MS4A3: variants seen among roughly 807,000 people sequenced by gnomAD.
MS4A3 encodes membrane-spanning 4-domains subfamily A member 3.
MS4A3 carries 18 observed loss-of-function variants against 24.7 expected under a neutral mutation model. That is an observed-to-expected ratio of 0.73 (90% CI 0.50 to 1.08). The LOEUF is 1.08. Among genes scored for constraint, MS4A3 ranks in the 50% least tolerant of loss-of-function variants. The probability of loss-of-function intolerance (pLI) is 0.00; values close to 1 mark genes in which losing one functional copy is unlikely to be tolerated. For missense variants in MS4A3, 282 were observed against 251.7 expected, an observed-to-expected ratio of 1.12 and a Z score of -0.82; for synonymous variants, 84 against 95.3, an observed-to-expected ratio of 0.88 and a Z score of 0.69.
chr11:60,068,881 G>T (rs141772354), intron 5 of MS4A3, among the ~76,000 whole-genome samples: 138 of 152,028 alleles, frequency 9.1e-4, no homozygotes, highest in African/African-American at 3.2e-3. Context: ...AGGCCCTGGT[G>T]TGTGATGTTC....
chr11:60,060,090 G>C (rs574814929), intron 1 of MS4A3, among the ~76,000 whole-genome samples: 35 of 152,224 alleles, frequency 2.3e-4, no homozygotes, highest in South Asian at 6.2e-4. Flanking sequence ...GTGTACTTTA[G>C]TGATACATAT....
At position 60,070,637 on chromosome 11, in the gene MS4A3, T is replaced by G. The variant is rs1179763366; in HGVS notation, c.*404T>G. ...TAAAATCCAACTTCTGACCGCCCAG[T>G]AGGAAGAAAAATGAGACATTTTTTC... On this transcript the variant is annotated 3_prime_UTR_variant, in exon 7 of 7. Coordinates refer to ENST00000278865, the MANE Select transcript of MS4A3 (RefSeq NM_006138.5). 6.4e-6 allele frequency: 1 copy of G among 157,210 alleles called. No individual in the cohort carries two copies. The allele number at this position is 157,210 out of a possible 1,614,324, so 9.7% of individuals were successfully genotyped here.
intron 1 of MS4A3, among the ~76,000 whole-genome samples, chr11:60,056,987 G>T (rs191040335): frequency 6.6e-6 from 1 of 152,252 alleles, no homozygotes; most frequent in Non-Finnish European, 1.5e-5. Flanking sequence ...ACACACACAT[G>T]CACACGCACC....
intron 5 of MS4A3, 29 bp downstream of exon 5, chr11:60,067,141 T>C: frequency 6.5e-7 from 1 of 1,534,598 alleles, no homozygotes; most frequent in African/African-American, 1.4e-5. Context: ...TGTATAAGTA[T>C]AAAATATTTC....
At chr11:60,058,553 A>C (rs963548634) in intron 1 of MS4A3, among the ~76,000 whole-genome samples, 2 of 136,410 alleles carry the variant, frequency 1.5e-5, no homozygotes, top group African/African-American at 5.3e-5. Context: ...TTCAGTCTGG[A>C]AGGAGAGCAG....
At chr11:60,059,509 C>T (rs1294973443) in intron 1 of MS4A3, among the ~76,000 whole-genome samples, 1 of 152,026 alleles carries the variant, frequency 6.6e-6, no homozygotes, top group Non-Finnish European at 1.5e-5. Flanking sequence ...AAGCCTAGTA[C>T]TCAATAGTTA....
At position 60,061,330 on chromosome 11, in the gene MS4A3, AG is replaced by A; in HGVS notation, c.156+15del. ...CAAGTTCTTGGGGTAAGTCAGCCTTAGTTTAAACACTGATTTAAGAGGGAAG... is the reference window on the plus strand; with the variant it reads ...CAAGTTCTTGGGGTAAGTCAGCCTTATTTAAACACTGATTTAAGAGGGAAG... On this transcript the variant is annotated intron_variant, in intron 2 of 6. Coordinates refer to ENST00000278865, the MANE Select transcript of MS4A3 (RefSeq NM_006138.5). 6.2e-7 allele frequency: 1 copy of A among 1,600,566 alleles called. No individual in the cohort carries two copies. Among genetic ancestry groups the A allele is most frequent in the Non-Finnish European group, 8.5e-7 (1 of 1,175,180 alleles).
chr11:60,058,984 G>C (rs968570083), intron 1 of MS4A3, among the ~76,000 whole-genome samples: 6 of 151,940 alleles, frequency 3.9e-5, no homozygotes, highest in African/African-American at 1.5e-4. Context: ...GGGGGTTAAG[G>C]GTTCCTTGTC....
intron 4 of MS4A3, among the ~76,000 whole-genome samples, chr11:60,066,732 A>G (rs962100067): frequency 3.3e-5 from 5 of 152,130 alleles, no homozygotes; most frequent in Non-Finnish European, 7.4e-5. Context: ...TAATTTACCT[A>G]TAGTATGTTT....
In MS4A3 at chr11:60,070,331, C is replaced by A; in HGVS notation, c.*98C>A. 1 of 949,334 alleles carries A rather than the reference C, an allele frequency of 1.1e-6. No individual in the cohort carries two copies. Among genetic ancestry groups the A allele is most frequent in the Admixed American group, 2.1e-5 (1 of 48,618 alleles). The allele number at this position is 949,334 out of a possible 1,614,324, so 58.8% of individuals were successfully genotyped here. ...ACAAACTCAGGAGAACATAAGCCTGCTCGTAAAGCTCAATCCTTCTATCAT... is the reference window on the plus strand; with the variant it reads ...ACAAACTCAGGAGAACATAAGCCTGATCGTAAAGCTCAATCCTTCTATCAT... On this transcript the variant is annotated 3_prime_UTR_variant, in exon 7 of 7. Transcript: ENST00000278865.
intron 3 of MS4A3, among the ~76,000 whole-genome samples, chr11:60,064,056 G>T (rs1325670392): frequency 7.4e-6 from 1 of 134,836 alleles, no homozygotes; most frequent in African/African-American, 2.8e-5. Context: ...AAAACTAATT[G>T]CATGGAAAGA....
chr11:60,065,360 G>A (rs1014571737), intron 4 of MS4A3, among the ~76,000 whole-genome samples: 1 of 151,634 alleles, frequency 6.6e-6, no homozygotes, highest in African/African-American at 2.4e-5. Flanking sequence ...TCTCTAATCA[G>A]CATGTAAACA....
intron 5 of MS4A3, 82 bp downstream of exon 5, chr11:60,067,194 A>G: frequency 9.7e-7 from 1 of 1,026,954 alleles, no homozygotes; most frequent in Non-Finnish European, 1.4e-6. Context: ...TCAGGTACCA[A>G]TGTGCCATAA....
At position 60,061,210 on chromosome 11, in the gene MS4A3, A is replaced by G. The variant is rs1216039935; in HGVS notation, c.50A>G (p.His17Arg). 2.7e-5 allele frequency: 43 copies of G among 1,613,408 alleles called. No homozygotes were observed. The highest frequency in any genetic ancestry group is 3.6e-5 in the Non-Finnish European group (42 of 1,179,722). The stretch of plus-strand genomic sequence containing the variant: ...GCAGAGCTGGGGTCAGCCTCTGCCC[A>G]TGGTACCCCAGGCAGTGAGGCGGGA... Reference protein sequence around the residue: ...DNAELGSASAHGTPGSEAGPE... With the variant: ...DNAELGSASARGTPGSEAGPE... Residue 17 changes from histidine to arginine, a missense_variant, in exon 2 of 7, where the codon CAT becomes CGT. By Grantham distance (29) the His-to-Arg change is conservative. Transcript: ENST00000278865.
At position 60,067,007 on chromosome 11, in the gene MS4A3, T is replaced by G. The variant is rs2134666596; in HGVS notation, c.408T>G (p.Thr136=). Residue 136 remains threonine (T), a synonymous_variant, in exon 5 of 7, where the codon ACT becomes ACG. Transcript: ENST00000278865. ...GTGCTACAATTGCACTAGTGGGGACTGCTTTTCTCTCACTAAATATAGCAG... is the reference window on the plus strand; with the variant it reads ...GTGCTACAATTGCACTAGTGGGGACGGCTTTTCTCTCACTAAATATAGCAG... The part of the protein sequence containing the change: ...IASATIALVG[T]AFLSLNIAVN... 6.2e-7 allele frequency: 1 copy of G among 1,612,978 alleles called. No homozygotes were observed. The highest frequency in any genetic ancestry group is 8.5e-7 in the Non-Finnish European group (1 of 1,179,714).
chr11:60,057,785 A>T (rs941780370), intron 1 of MS4A3, among the ~76,000 whole-genome samples: 8 of 152,184 alleles, frequency 5.3e-5, no homozygotes, highest in African/African-American at 1.7e-4. Context: ...GGAGGCTGAA[A>T]ATTCTCCCTG....
At position 60,064,256 on chromosome 11, in the gene MS4A3, A is replaced by C. The variant is rs764377882; in HGVS notation, c.295-6A>C. On this transcript the variant is annotated splice_region_variant and splice_polypyrimidine_tract_variant and intron_variant, in intron 3 of 6. Coordinates refer to ENST00000278865, the MANE Select transcript of MS4A3 (RefSeq NM_006138.5). ...TTTATCTGTTTTCCTTCCTATTTTC[A>C]AACAGTTCTGTAGTTCAGGAACCTT... The C allele has an allele frequency of 1.7e-5, 27 of 1,598,980 alleles. No individual in the cohort carries two copies. The highest frequency in any genetic ancestry group is 2.3e-5 in the Non-Finnish European group (27 of 1,173,278).
At chr11:60,058,505 T>A (rs1369735108) in intron 1 of MS4A3, among the ~76,000 whole-genome samples, 1 of 1,366 alleles carries the variant, frequency 7.3e-4, no homozygotes, top group Non-Finnish European at 1.9e-3. Flanking sequence ...AAGCTCCAAC[T>A]CAAAAAAAAA....
chr11:60,066,894 C>T lies in MS4A3; in HGVS notation c.352-57C>T. Reference sequence around the variant, plus strand: ...CAATGTTTGTTTCAATGAATTGTTGCCAAAGGAATGAAGTACGTGCTGCAT... The same window carrying T: ...CAATGTTTGTTTCAATGAATTGTTGTCAAAGGAATGAAGTACGTGCTGCAT... On this transcript the variant is annotated intron_variant, in intron 4 of 6. Coordinates refer to ENST00000278865, the MANE Select transcript of MS4A3 (RefSeq NM_006138.5). The T allele has an allele frequency of 3.8e-6, 5 of 1,320,362 alleles. No homozygotes were observed. The South Asian group carries it at 7.7e-5, about 20-fold the overall frequency. 81.8% of individuals were successfully genotyped at this position (1,320,362 alleles called of 1,614,324 possible).
Sources: allele counts gnomAD v4.1 joint callset (sites outside exome capture counted in the v4.1 genomes callset), GRCh38; gene constraint gnomAD v4.1.1; transcripts MANE v1.5; gene names NCBI Gene and HGNC (gene_info 2026-07-23, HGNC 2026-07-21).